PAQR3: variants seen among roughly 807,000 people sequenced by gnomAD.
The protein encoded by PAQR3 is progestin and adipoQ receptor family member 3.
Under a neutral mutation model 41.7 loss-of-function variants are expected in PAQR3, and 39 were observed. The observed-to-expected ratio is 0.93, with a 90% CI of 0.72 to 1.22. The LOEUF is 1.22. Among genes scored for constraint, PAQR3 ranks in the 50% most tolerant of loss-of-function variants. The probability of loss-of-function intolerance (pLI) is 0.00; values close to 1 mark genes in which losing one functional copy is unlikely to be tolerated. For synonymous variants in PAQR3, 140 were observed against 140.6 expected (o/e 1.00, Z 0.03); for missense variants, 366 against 385.6 (o/e 0.95, Z 0.42).
Position 78,916,602 on chromosome 4 carries a change from C to T in PAQR3, c.*3937G>A, listed in dbSNP as rs189998555. 2.4e-4 allele frequency: 36 copies of T among 151,912 alleles called. No individual in the cohort carries two copies. The highest frequency in any genetic ancestry group is 8.6e-4 in the Admixed American group (13 of 15,198). The allele number at this position is 151,912 out of a possible 1,614,324, so 9.4% of individuals were successfully genotyped here. A position where few individuals can be genotyped will look rare whatever the true frequency, so the allele number is the denominator to read the frequency against. The stretch of plus-strand genomic sequence containing the variant: ...TTTGCCACAAGAACACTTAATAGCA[C>T]GACTTTTTCAGTGAGTCATAATTAC... On this transcript the variant is annotated 3_prime_UTR_variant, in exon 6 of 6. Coordinates refer to ENST00000512733, the MANE Select transcript of PAQR3 (RefSeq NM_001040202.2).
chr4:78,901,939 C>G (rs1179306592), intron 11 of PAQR3, among the ~76,000 whole-genome samples: 1 of 152,138 alleles, frequency 6.6e-6, no homozygotes, highest in Non-Finnish European at 1.5e-5. Context: ...GCTTTATTAT[C>G]TAATAGGAAG....
chr4:78,917,096 C>G lies in PAQR3; in HGVS notation c.*3443G>C, dbSNP rs1256028240. 6.6e-6 allele frequency: 1 copy of G among 151,940 alleles called. No homozygotes were observed. Among genetic ancestry groups the G allele is most frequent in the African/African-American group, 2.4e-5 (1 of 41,430 alleles). The allele number at this position is 151,940 out of a possible 1,614,324, so 9.4% of individuals were successfully genotyped here. On this transcript the variant is annotated 3_prime_UTR_variant, in exon 6 of 6. Transcript: ENST00000512733. ...GAATAGTTTGCAGTGTATTACTGTT[C>G]AAATTCAGTTATAGTTACTTGAGAT... is the stretch of plus-strand genomic sequence containing the variant.
chr4:78,911,738 G>C (rs371529410), downstream of PAQR3: 32 of 1,613,820 alleles, frequency 2.0e-5, no homozygotes, highest in Non-Finnish European at 2.5e-5. Flanking sequence ...CCTGAGGAGA[G>C]CCTGTTGGAC....
intron 5 of PAQR3, 69 bp downstream of exon 5, chr4:78,923,788 C>A: frequency 3.1e-6 from 3 of 975,624 alleles, no homozygotes; most frequent in Admixed American, 3.9e-5. Flanking sequence ...AGTTTTGATG[C>A]TCTGATGCAT....
rs192051053 is a variant in PAQR3 at position 78,893,272 on chromosome 4, G to A, written c.*837-5124C>T. ...TCTGTTCCAGTTTGATTACGAGACT[G>A]CAACAATTCAGTCACATTTTTAGGT... On this transcript the variant is annotated intron_variant and NMD_transcript_variant, in intron 11 of 12. Transcript: ENST00000342820. 2.6e-3 allele frequency among the ~76,000 whole-genome samples: 393 copies of A among 152,282 alleles called. 1 individual carries two copies. Among genetic ancestry groups the A allele is most frequent in the Non-Finnish European group, 4.4e-3 (302 of 68,022 alleles).
chr4:78,934,293 T>C (rs371285169), intron 2 of PAQR3, among the ~76,000 whole-genome samples: 22 of 152,306 alleles, frequency 1.4e-4, no homozygotes, highest in African/African-American at 4.8e-4. Flanking sequence ...TGAAATAAAA[T>C]GATACATGAT....
rs78801347 is a variant in PAQR3 at position 78,904,849 on chromosome 4, A to G, written c.*836+1259T>C. Among the ~76,000 whole-genome samples the G allele has an allele frequency of 5.0e-3, 753 of 152,058 alleles. 2 individuals carry two copies. Among genetic ancestry groups the G allele is most frequent in the African/African-American group, 0.017 (712 of 41,558 alleles). On this transcript the variant is annotated intron_variant and NMD_transcript_variant, in intron 11 of 12. Transcript: ENST00000342820. ...TAATTATTATATATTGTGAAAGTCT[A>G]TGATTTTATTATTTTAACTAGGTTC...
rs181293378 is a variant in PAQR3, at chr4:78,912,052, C to T, written c.*8487G>A. The T allele has an allele frequency of 4.1e-3, 6,334 of 1,561,398 alleles. 20 individuals carry two copies. The highest frequency in any genetic ancestry group is 5.1e-3 in the Non-Finnish European group (5,812 of 1,150,674). ...ACAGTAGATACTTCTGATGGATTCT[C>T]GGCATTAACTCCTGTTTCAAAAAAG... is the stretch of plus-strand genomic sequence containing the variant. On this transcript the variant is annotated 3_prime_UTR_variant, in exon 6 of 6. Transcript: ENST00000512733.
At chr4:78,909,404 A>G (rs965378706), downstream of PAQR3, among the ~76,000 whole-genome samples, 2 of 151,932 alleles carry the variant, frequency 1.3e-5, no homozygotes, top group South Asian at 4.1e-4. Context: ...CTATTTTAAT[A>G]ATAGCTTTCC....
Position 78,920,684 on chromosome 4 carries a change from G to A in PAQR3, c.794-3C>T, listed in dbSNP as rs764984846. 5 of 1,594,416 alleles carry A rather than the reference G, an allele frequency of 3.1e-6. No homozygotes were observed. The highest frequency in any genetic ancestry group is 4.3e-6 in the Non-Finnish European group (5 of 1,169,742). On this transcript the variant is annotated splice_polypyrimidine_tract_variant and splice_region_variant and intron_variant, in intron 5 of 5. Transcript: ENST00000512733. ...TGATCCGAGGTAGTTTAGTTGTCCTGGAAAGAAGGTAGAAAGAAAATGATA... is the reference window on the plus strand; with the variant it reads ...TGATCCGAGGTAGTTTAGTTGTCCTAGAAAGAAGGTAGAAAGAAAATGATA...
At chr4:78,906,389 T>A (rs1477747199) in intron 10 of PAQR3, among the ~76,000 whole-genome samples, 1 of 152,164 alleles carries the variant, frequency 6.6e-6, no homozygotes, top group Non-Finnish European at 1.5e-5. Context: ...AACCAGTCTA[T>A]CTACACCAAC....
downstream of PAQR3, chr4:78,910,481 A>G (rs1466134589): frequency 1.3e-6 from 1 of 775,014 alleles, no homozygotes; most frequent in Admixed American, 3.5e-5. Flanking sequence ...AATTGACAAC[A>G]TTATTTTTTC....
chr4:78,931,213 T>A (rs533519555), intron 2 of PAQR3, among the ~76,000 whole-genome samples: 8,662 of 107,702 alleles, frequency 0.08, 418 homozygotes, highest in East Asian at 0.26. Flanking sequence ...AAAAAAAAAA[T>A]TGGGCATGGC....
intron 4 of PAQR3, among the ~76,000 whole-genome samples, chr4:78,924,977 C>T (rs528258169): frequency 1.3e-5 from 2 of 152,142 alleles, no homozygotes; most frequent in East Asian, 1.9e-4. Flanking sequence ...CTTGATCTTG[C>T]CTCCCAAGAT....
At chr4:78,939,007 G>A in intron 1 of PAQR3, 33 bp downstream of exon 1, 1 of 1,543,080 alleles carries the variant, frequency 6.5e-7, no homozygotes, top group African/African-American at 1.4e-5. Context: ...GTGAGAGAAG[G>A]GGGCACTCCA....
intron 11 of PAQR3, among the ~76,000 whole-genome samples, chr4:78,896,723 A>G (rs557823687): frequency 6.6e-6 from 1 of 152,342 alleles, no homozygotes; most frequent in East Asian, 1.9e-4. Context: ...AATTTCTAAT[A>G]TTTAAACTGT....
intron 2 of PAQR3, among the ~76,000 whole-genome samples, chr4:78,932,158 A>G (rs1043537672): frequency 2.0e-5 from 3 of 152,330 alleles, no homozygotes; most frequent in African/African-American, 4.8e-5. Flanking sequence ...TATAGACTCA[A>G]TATCAGTATT....
chr4:78,930,216 A>G lies in PAQR3; in HGVS notation c.458T>C (p.Leu153Pro). The G allele has an allele frequency of 1.2e-6, 2 of 1,613,726 alleles. No individual in the cohort carries two copies. Among genetic ancestry groups the G allele is most frequent in the Non-Finnish European group, 1.7e-6 (2 of 1,179,828 alleles). Residue 153 changes from leucine (L) to proline (P), a missense_variant, in exon 3 of 6, where the codon CTG becomes CCG. Transcript: ENST00000512733. The part of the protein sequence containing the change: ...LDYAGISIGI[L>P]GCYVSGVFYA... ...AAATACTCCTGAGACATAGCAGCCC[A>G]GTATTCCAATAGAAATTCCTGCATA...
intron 4 of PAQR3, 72 bp from the exon 5 acceptor site, chr4:78,924,019 T>G: frequency 1.8e-6 from 2 of 1,112,560 alleles, no homozygotes; most frequent in South Asian, 2.6e-5. Context: ...ATGAATCTAA[T>G]AGTGGGATTT....
Sources: allele counts gnomAD v4.1 joint callset (sites outside exome capture counted in the v4.1 genomes callset), GRCh38; gene constraint gnomAD v4.1.1; transcripts MANE v1.5; gene names NCBI Gene and HGNC (gene_info 2026-07-23, HGNC 2026-07-21).